DTNBP1: variants seen among roughly 807,000 people sequenced by gnomAD.
The protein encoded by DTNBP1 is dysbindin.
Under a neutral mutation model 42.8 loss-of-function variants are expected in DTNBP1, and 35 were observed. The ratio of observed to expected loss-of-function variants is 0.82; its 90% CI spans 0.63 to 1.09. DTNBP1 has a LOEUF of 1.09. DTNBP1 is among the 50% of genes least tolerant of loss of function. The pLI is 0.00. For synonymous variants in DTNBP1, 171 were observed against 162.2 expected (o/e 1.05, Z -0.41); for missense variants, 457 against 424.2 (o/e 1.08, Z -0.68).
At chr6:15,550,451 CA>C (rs1468325286) in intron 7 of DTNBP1, among the ~76,000 whole-genome samples, 1 of 152,122 alleles carries the variant, frequency 6.6e-6, no homozygotes, top group Non-Finnish European at 1.5e-5. Flanking sequence ...ACTTGCAATA[CA>C]AAATATTTAT....
At chr6:15,604,020 C>G (rs1430305616) in intron 6 of DTNBP1, among the ~76,000 whole-genome samples, 1 of 152,192 alleles carries the variant, frequency 6.6e-6, no homozygotes, top group Non-Finnish European at 1.5e-5. Context: ...CTCTTCAACT[C>G]TGAGTCTGCC....
At chr6:15,560,230 C>T (rs1774765216) in intron 7 of DTNBP1, among the ~76,000 whole-genome samples, 1 of 151,890 alleles carries the variant, frequency 6.6e-6, no homozygotes, top group South Asian at 2.1e-4. Context: ...GGCGTGAACC[C>T]AGGAAGTGGA....
chr6:15,606,553 T>A (rs931746745), intron 6 of DTNBP1, among the ~76,000 whole-genome samples: 3 of 152,158 alleles, frequency 2.0e-5, no homozygotes, highest in Non-Finnish European at 4.4e-5. Flanking sequence ...CAGGCTCTGG[T>A]GGGAGCTGAA....
intron 7 of DTNBP1, chr6:15,548,454 C>CACAG (rs1774016338): frequency 6.6e-6 from 1 of 151,264 alleles, no homozygotes; most frequent in Non-Finnish European, 1.5e-5. Flanking sequence ...CACACACACA[C>CACAG]ACACACACAC....
intron 7 of DTNBP1, among the ~76,000 whole-genome samples, chr6:15,563,441 T>A (rs974380980): frequency 2.0e-5 from 3 of 152,250 alleles, no homozygotes; most frequent in African/African-American, 7.2e-5. Context: ...AACATAGTTA[T>A]AATTAAACAT....
intron 6 of DTNBP1, among the ~76,000 whole-genome samples, chr6:15,599,796 T>C (rs1179362475): frequency 1.3e-5 from 2 of 152,160 alleles, no homozygotes; most frequent in African/African-American, 4.8e-5. Flanking sequence ...TGGCTAAAAA[T>C]CTTTATTACA....
rs75613875 is a variant in DTNBP1 at position 15,587,674 on chromosome 6, G to A, written c.511+5385C>T. ...TTCAAAAAATAGTTCTAAGGCTTGTGAGGGAGACTTCGGGCATGGTGCAGC... is the reference window on the plus strand; with the variant it reads ...TTCAAAAAATAGTTCTAAGGCTTGTAAGGGAGACTTCGGGCATGGTGCAGC... On this transcript the variant is annotated intron_variant, in intron 7 of 9. Coordinates refer to ENST00000344537, the MANE Select transcript of DTNBP1 (RefSeq NM_032122.5). The surrounding 1 kb of genome is among the most constrained non-coding windows in gnomAD (Gnocchi z 4.1). Among the ~76,000 whole-genome samples, 293 of 152,318 alleles carry A rather than the reference G, an allele frequency of 1.9e-3. 4 individuals are homozygous for A. The Middle Eastern group carries it at 0.024, about 12-fold the overall frequency.
At chr6:15,574,379 G>T (rs1055418039) in intron 7 of DTNBP1, among the ~76,000 whole-genome samples, 1 of 152,202 alleles carries the variant, frequency 6.6e-6, no homozygotes, top group Admixed American at 6.5e-5. Context: ...GTATATGCAG[G>T]AGTTGCCTGG....
chr6:15,531,494 A>T (rs2127795454), intron 8 of DTNBP1, among the ~76,000 whole-genome samples: 1 of 152,270 alleles, frequency 6.6e-6, no homozygotes, highest in East Asian at 1.9e-4. Context: ...TCAAATCTAT[A>T]CTGTGCATTG....
chr6:15,549,949 C>T (rs898588409), intron 7 of DTNBP1, among the ~76,000 whole-genome samples: 3 of 152,166 alleles, frequency 2.0e-5, no homozygotes, highest in Non-Finnish European at 2.9e-5. Flanking sequence ...TGACCCAAGC[C>T]GTACCACCAC....
At chr6:15,660,194 T>C (rs971196325) in intron 1 of DTNBP1, among the ~76,000 whole-genome samples, 3 of 152,252 alleles carry the variant, frequency 2.0e-5, no homozygotes, top group Non-Finnish European at 2.9e-5. Flanking sequence ...GTTTCTTTTT[T>C]AGTGATGCAG....
chr6:15,568,074 CCTT>C (rs1031551388), intron 7 of DTNBP1, among the ~76,000 whole-genome samples: 6 of 152,166 alleles, frequency 3.9e-5, no homozygotes, highest in African/African-American at 1.4e-4. Flanking sequence ...GCCACTCTCA[CCTT>C]CTCTGCCCTT....
At chr6:15,541,804 A>T (rs1055380658) in intron 7 of DTNBP1, among the ~76,000 whole-genome samples, 6 of 152,332 alleles carry the variant, frequency 3.9e-5, no homozygotes, top group Non-Finnish European at 7.3e-5. Flanking sequence ...AGATATATGA[A>T]ATTAAAAAAA....
intron 7 of DTNBP1, 109 bp downstream of exon 7, chr6:15,592,950 T>G: frequency 3.4e-6 from 4 of 1,162,808 alleles, no homozygotes; most frequent in Non-Finnish European, 4.9e-6. Context: ...AGTTTTACTG[T>G]TTTATGTAAA....
chr6:15,589,979 A>G (rs546182653), intron 7 of DTNBP1, among the ~76,000 whole-genome samples: 7 of 152,240 alleles, frequency 4.6e-5, no homozygotes, highest in African/African-American at 1.7e-4. Flanking sequence ...CCAAGGCTGG[A>G]GTGCAGTGGC....
chr6:15,591,916 ATG>A (rs1776315245), intron 7 of DTNBP1, among the ~76,000 whole-genome samples: 2 of 152,270 alleles, frequency 1.3e-5, no homozygotes, highest in Non-Finnish European at 2.9e-5. Flanking sequence ...TGAAAAAAGA[ATG>A]TATACAAGTA....
intron 6 of DTNBP1, 173 bp downstream of exon 6, chr6:15,615,094 C>G (rs1462324425): frequency 3.2e-6 from 3 of 939,756 alleles, no homozygotes. Flanking sequence ...AACTCATCTC[C>G]AAAAGATGGC....
At chr6:15,618,472 C>T (rs1168210487) in intron 5 of DTNBP1, among the ~76,000 whole-genome samples, 2 of 151,824 alleles carry the variant, frequency 1.3e-5, no homozygotes, top group Non-Finnish European at 2.9e-5. Flanking sequence ...CCAATCTCCT[C>T]CAATATGCAA....
intron 6 of DTNBP1, among the ~76,000 whole-genome samples, chr6:15,600,725 G>A (rs1776696336): frequency 6.6e-6 from 1 of 152,198 alleles, no homozygotes; most frequent in Non-Finnish European, 1.5e-5. Context: ...GGTGGTAGGA[G>A]AGGAAGGAGG....
Sources: allele counts gnomAD v4.1 joint callset (sites outside exome capture counted in the v4.1 genomes callset), GRCh38; gene constraint gnomAD v4.1.1; non-coding constraint Gnocchi (gnomAD v3.1); transcripts MANE v1.5; gene names NCBI Gene and HGNC (gene_info 2026-07-23, HGNC 2026-07-21).